Variants in PEBP4 observed in about 807,000 individuals in gnomAD.
PEBP4 encodes the protein phosphatidylethanolamine binding protein 4, also known as phosphatidylethanolamine-binding protein 4.
A neutral mutation model predicts 23.9 loss-of-function variants in PEBP4; 22 were observed. The observed-to-expected ratio is 0.92, with a 90% CI of 0.66 to 1.31. The LOEUF (loss-of-function observed/expected upper bound fraction) is 1.31. Ranked by LOEUF, PEBP4 falls within the 40% of genes most tolerant of loss-of-function variation. The pLI is 0.00. For synonymous variants in PEBP4, 112 were observed against 99.3 expected, an observed-to-expected ratio of 1.13 and a Z score of -0.76; for missense variants, 324 against 281.7, an observed-to-expected ratio of 1.15 and a Z score of -1.07.
chr8:22,836,062 A>C lies in PEBP4; in HGVS notation c.259-18327T>G, dbSNP rs1012757738. ...AAATGGGGGCTCAGGGTCTCTGCCT[A>C]AGGCAGTGAACTTCAGATGTGAATC... is the stretch of plus-strand genomic sequence containing the variant. On this transcript the variant is annotated intron_variant, in intron 3 of 6. Coordinates refer to ENST00000256404, the MANE Select transcript of PEBP4 (RefSeq NM_144962.3). Among the ~76,000 whole-genome samples, 6 of 152,350 alleles carry C rather than the reference A, an allele frequency of 3.9e-5. No individual in the cohort carries two copies. In the South Asian group the frequency reaches 1.2e-3, roughly 32 times the overall value.
intron 2 of PEBP4, chr8:22,925,483 G>A: frequency 2.9e-6 from 1 of 347,232 alleles, no homozygotes; most frequent in Non-Finnish European, 4.1e-6. Flanking sequence ...TCTGCAGAAT[G>A]GGGGTGCTAA....
At chr8:22,848,537 C>A (rs1807487547) in intron 3 of PEBP4, among the ~76,000 whole-genome samples, 1 of 152,128 alleles carries the variant, frequency 6.6e-6, no homozygotes, top group Non-Finnish European at 1.5e-5. Flanking sequence ...GTGACAGGAG[C>A]TGTGCTGTCT....
rs555497730 is a variant in PEBP4, at chr8:22,921,853, G to A, written c.132-1543C>T. ...GTTTCTGCTGCAACTCCTTGCTGCC[G>A]CAGCTAGCGAGATGCGAGGCAGAGA... On this transcript the variant is annotated intron_variant, in intron 2 of 6. Transcript: ENST00000256404. Among the ~76,000 whole-genome samples, 54 of 152,314 alleles carry A rather than the reference G, an allele frequency of 3.5e-4. 1 individual carries two copies. The highest frequency in any genetic ancestry group is 7.5e-4 in the Non-Finnish European group (51 of 68,032).
chr8:22,810,674 GT>G lies in PEBP4; in HGVS notation c.357+6962del, dbSNP rs1257930710. Among the ~76,000 whole-genome samples, 3 of 44,118 alleles carry G rather than the reference GT, an allele frequency of 6.8e-5. No homozygotes were observed. The Admixed American group carries it at 7.2e-4, about 11-fold the overall frequency. The allele number at this position is 44,118 out of a possible 152,430, so 28.9% of individuals were successfully genotyped here. ...TTTGGGGTGTCTCATGGAGGGGTGTGTGTGTGTGTGTGTGTGTGTGTGTGTG... is the reference window on the plus strand; with the variant it reads ...TTTGGGGTGTCTCATGGAGGGGTGTGGTGTGTGTGTGTGTGTGTGTGTGTG... On this transcript the variant is annotated intron_variant, in intron 4 of 6. Transcript: ENST00000256404.
chr8:22,746,520 C>A (rs1805122474), intron 4 of PEBP4, among the ~76,000 whole-genome samples: 1 of 152,078 alleles, frequency 6.6e-6, no homozygotes, highest in Non-Finnish European at 1.5e-5. Flanking sequence ...CTTCCCTTCA[C>A]TGCCTTCCCC....
At chr8:22,797,639 G>A (rs1370924122) in intron 4 of PEBP4, among the ~76,000 whole-genome samples, 1 of 152,238 alleles carries the variant, frequency 6.6e-6, no homozygotes, top group Non-Finnish European at 1.5e-5. Context: ...GCAGCAGTGG[G>A]TGGTCAGTTG....
rs1807875776 is a variant in PEBP4, at chr8:22,865,553, CG to C, written c.259-47819del. 1.3e-5 allele frequency among the ~76,000 whole-genome samples: 2 copies of C among 152,172 alleles called. No individual in the cohort carries two copies. Among genetic ancestry groups the C allele is most frequent in the Non-Finnish European group, 2.9e-5 (2 of 68,020 alleles). The stretch of plus-strand genomic sequence containing the variant: ...AAAGGCAAGGCGCTGCTGCCGGTGC[CG>C]GTGCCGCAGCCGCCGGGGAAGGAAT... On this transcript the variant is annotated intron_variant, in intron 3 of 6. Coordinates refer to ENST00000256404, the MANE Select transcript of PEBP4 (RefSeq NM_144962.3). The surrounding 1 kb of genome is among the most constrained non-coding windows in gnomAD (Gnocchi z 6.9).
At chr8:22,878,948 A>C (rs917684644) in intron 3 of PEBP4, among the ~76,000 whole-genome samples, 1 of 152,156 alleles carries the variant, frequency 6.6e-6, no homozygotes, top group Non-Finnish European at 1.5e-5. Context: ...GCTAAAAATT[A>C]TAGTTCTTGT....
intron 3 of PEBP4, among the ~76,000 whole-genome samples, chr8:22,879,922 G>C (rs1808209915): frequency 1.3e-5 from 2 of 152,172 alleles, no homozygotes; most frequent in African/African-American, 4.8e-5. Context: ...CACACAGAGG[G>C]GTATGTTGCA....
intron 3 of PEBP4, among the ~76,000 whole-genome samples, chr8:22,908,912 C>T (rs148509859): frequency 1.3e-5 from 2 of 152,298 alleles, no homozygotes; most frequent in East Asian, 1.9e-4. Context: ...TTCCAGTTAG[C>T]GGCCGAGCTT....
intron 2 of PEBP4, among the ~76,000 whole-genome samples, chr8:22,926,879 C>T (rs1342836288): frequency 6.6e-6 from 1 of 152,206 alleles, no homozygotes; most frequent in Non-Finnish European, 1.5e-5. Flanking sequence ...GGGTGTCCCC[C>T]TCCTCAGCCA....
intron 4 of PEBP4, among the ~76,000 whole-genome samples, chr8:22,731,653 C>T (rs71515803): frequency 0.16 from 21,028 of 131,522 alleles, 1,903 homozygotes; most frequent in Middle Eastern, 0.22. Context: ...ATCTATCTAT[C>T]TATTTATTTA....
intron 4 of PEBP4, among the ~76,000 whole-genome samples, chr8:22,803,833 G>A (rs1447468402): frequency 3.3e-5 from 5 of 152,066 alleles, no homozygotes; most frequent in African/African-American, 1.2e-4. Flanking sequence ...GGCCATCCTC[G>A]CACCATCCTT....
At chr8:22,847,648 C>A (rs1441706059) in intron 3 of PEBP4, among the ~76,000 whole-genome samples, 1 of 152,168 alleles carries the variant, frequency 6.6e-6, no homozygotes, top group Non-Finnish European at 1.5e-5. Flanking sequence ...CAGGCAGCCC[C>A]AGGAAGTAGG....
At chr8:22,893,703 A>C (rs1808539731) in intron 3 of PEBP4, among the ~76,000 whole-genome samples, 1 of 152,196 alleles carries the variant, frequency 6.6e-6, no homozygotes, top group African/African-American at 2.4e-5. Flanking sequence ...ATACAGAATA[A>C]GATATTAGTG....
chr8:22,792,800 G>A (rs971084250), intron 4 of PEBP4, among the ~76,000 whole-genome samples: 4 of 148,026 alleles, frequency 2.7e-5, no homozygotes, highest in Admixed American at 6.8e-5. Flanking sequence ...GTATATGTCA[G>A]AGGTGTGTAC....
At position 22,738,027 on chromosome 8, in the gene PEBP4, C is replaced by A. The variant is rs552763798; in HGVS notation, c.358-10807G>T. 5.9e-5 allele frequency among the ~76,000 whole-genome samples: 9 copies of A among 152,280 alleles called. No homozygotes were observed. In the South Asian group the frequency reaches 1.7e-3, roughly 28 times the overall value. On this transcript the variant is annotated intron_variant, in intron 4 of 6. Transcript: ENST00000256404. ...GCCCCGGGAGCCCATCCTGCGAAGT[C>A]TCCTGGCAGGGCCAGCCTCCTGAGG...
intron 3 of PEBP4, among the ~76,000 whole-genome samples, chr8:22,919,883 TGGGGTCCCAGATCTCA>T (rs962670803): frequency 1.3e-5 from 2 of 152,142 alleles, no homozygotes; most frequent in African/African-American, 4.8e-5. Flanking sequence ...CCACCAGGCT[TGGGGTCCCAGATCTCA>T]GGGGCAGCCA....
chr8:22,848,437 A>G (rs1185007820), intron 3 of PEBP4, among the ~76,000 whole-genome samples: 1 of 150,070 alleles, frequency 6.7e-6, no homozygotes, highest in African/African-American at 2.5e-5. Context: ...GCCAAGGGGG[A>G]TAGGGGAGAG....
Sources: gnomAD v4.1 joint callset for allele counts (sites outside exome capture counted in the v4.1 genomes callset) on GRCh38, gnomAD v4.1.1 for gene constraint, Gnocchi (gnomAD v3.1) non-coding constraint, MANE v1.5 for transcripts, NCBI Gene and HGNC (gene_info 2026-07-23, HGNC 2026-07-21) for gene names.